The following TTC39B variants were observed in gnomAD, a reference collection of about 807,000 sequenced individuals.
TTC39B encodes the protein tetratricopeptide repeat protein 39B.
Under a neutral mutation model 96.6 loss-of-function variants are expected in TTC39B, and 92 were observed. The observed-to-expected ratio is 0.95, with a 90% CI of 0.80 to 1.13. The LOEUF (loss-of-function observed/expected upper bound fraction) is 1.13. TTC39B is among the 50% of genes most tolerant of loss of function. The pLI is 0.00. For missense variants in TTC39B, 955 were observed against 809.3 expected (o/e 1.18, Z -2.18); for synonymous variants, 367 against 299.4 (o/e 1.23, Z -2.33).
chr9:15,200,303 A>C (rs1189949134), intron 7 of TTC39B, among the ~76,000 whole-genome samples: 1 of 152,200 alleles, frequency 6.6e-6, no homozygotes. Context: ...ATCTGCTCTA[A>C]GGCCAAACCT....
At chr9:15,305,314 C>T (rs891345585) in intron 1 of TTC39B, among the ~76,000 whole-genome samples, 2 of 152,190 alleles carry the variant, frequency 1.3e-5, no homozygotes, top group Admixed American at 1.3e-4. Flanking sequence ...CTCTAAGGCA[C>T]CTACCAAGTT....
exon 20 of TTC39B, chr9:15,170,104 T>C (rs764295213): frequency 1.3e-4 from 13 of 102,762 alleles, no homozygotes; most frequent in Non-Finnish European, 2.2e-4. Context: ...CCACTACTAA[T>C]TATAATGACA....
At chr9:15,303,594 A>G (rs974791534) in intron 1 of TTC39B, among the ~76,000 whole-genome samples, 1 of 152,026 alleles carries the variant, frequency 6.6e-6, no homozygotes. Flanking sequence ...CGCAGGTTGA[A>G]AAGTGATTTT....
chr9:15,188,194 G>A (rs1818646922), intron 13 of TTC39B, 62 bp from the exon 14 acceptor site: 11 of 1,470,810 alleles, frequency 7.5e-6, no homozygotes, highest in South Asian at 2.9e-5. Flanking sequence ...ATAACCTAAT[G>A]GAAAAATACA....
intron 1 of TTC39B, among the ~76,000 whole-genome samples, chr9:15,282,054 A>G (rs1327507942): frequency 6.6e-6 from 1 of 152,262 alleles, no homozygotes; most frequent in East Asian, 1.9e-4. Flanking sequence ...TTTACAGTTA[A>G]AAGAAATTTA....
At chr9:15,223,528 A>C (rs1358033779) in intron 3 of TTC39B, among the ~76,000 whole-genome samples, 2 of 152,200 alleles carry the variant, frequency 1.3e-5, no homozygotes, top group African/African-American at 4.8e-5. Context: ...AGGAGGAGTA[A>C]CATATGAGGT....
In TTC39B at chr9:15,260,277, G is replaced by GT. The variant is rs142111810; in HGVS notation, c.275+7636dup. On this transcript the variant is annotated intron_variant, in intron 2 of 19. Coordinates refer to ENST00000512701, the Ensembl canonical transcript of TTC39B. The stretch of plus-strand genomic sequence containing the variant: ...GGTCTCCTACAAAATTCCTCATTGT[G>GT]TTTTTTTTTTTTTCCTTCCTTAGGA... Among the ~76,000 whole-genome samples, 889 of 139,642 alleles carry GT rather than the reference G, an allele frequency of 6.4e-3. 4 individuals are homozygous for GT. Among genetic ancestry groups the GT allele is most frequent in the African/African-American group, 0.018 (689 of 39,296 alleles). The allele number at this position is 139,642 out of a possible 152,430, so 91.6% of individuals were successfully genotyped here.
At chr9:15,266,439 A>G (rs1224650716) in intron 2 of TTC39B, among the ~76,000 whole-genome samples, 3 of 152,194 alleles carry the variant, frequency 2.0e-5, no homozygotes, top group Non-Finnish European at 2.9e-5. Context: ...ACAAAAGAAA[A>G]TTAGAAGTCA....
At chr9:15,201,116 C>G (rs1030252710) in intron 7 of TTC39B, among the ~76,000 whole-genome samples, 3 of 152,070 alleles carry the variant, frequency 2.0e-5, no homozygotes, top group Admixed American at 6.5e-5. Flanking sequence ...TCATTAATTG[C>G]TTAAATATTT....
At chr9:15,249,744 G>T in intron 2 of TTC39B, 1 of 371,252 alleles carries the variant, frequency 2.7e-6, no homozygotes, top group Non-Finnish European at 4.1e-6. Flanking sequence ...AAGCAGGCTT[G>T]ACATGAAGCT....
chr9:15,190,026 T>A lies in TTC39B; in HGVS notation c.1106-234A>T, dbSNP rs140781052. Among the ~76,000 whole-genome samples the A allele has an allele frequency of 3.5e-3, 527 of 152,348 alleles. 7 individuals are homozygous for A. The highest frequency in any genetic ancestry group is 0.012 in the African/African-American group (499 of 41,588). Reference sequence around the variant, plus strand: ...AAGAATGCAGGTGGCTGTCTCAGATTCCTAATTGGAATTTCTGGTTTTAAC... The same window carrying A: ...AAGAATGCAGGTGGCTGTCTCAGATACCTAATTGGAATTTCTGGTTTTAAC... On this transcript the variant is annotated intron_variant, in intron 11 of 19. Coordinates refer to ENST00000512701, the Ensembl canonical transcript of TTC39B.
At chr9:15,218,635 A>AATATATATATAT (rs1554774372) in intron 3 of TTC39B, among the ~76,000 whole-genome samples, 1 of 149,448 alleles carries the variant, frequency 6.7e-6, no homozygotes, top group Admixed American at 6.6e-5. Flanking sequence ...GTCTATTTTA[A>AATATATATATAT]ATATATATAT....
intron 1 of TTC39B, among the ~76,000 whole-genome samples, chr9:15,300,784 G>A (rs1004884329): frequency 2.0e-5 from 3 of 150,028 alleles, no homozygotes; most frequent in Admixed American, 6.8e-5. Flanking sequence ...TACTCGGAAC[G>A]CTGAGGCAGG....
chr9:15,279,328 C>A (rs1466649558), intron 1 of TTC39B, among the ~76,000 whole-genome samples: 1 of 152,240 alleles, frequency 6.6e-6, no homozygotes, highest in Admixed American at 6.5e-5. Flanking sequence ...AAAGAGAACA[C>A]AGAACCTTAT....
chr9:15,276,691 G>T (rs1008402016), intron 1 of TTC39B, among the ~76,000 whole-genome samples: 1 of 152,126 alleles, frequency 6.6e-6, no homozygotes, highest in African/African-American at 2.4e-5. Context: ...CATAAATTTA[G>T]GCTTGGAGGT....
At chr9:15,292,664 C>A (rs528869197) in intron 1 of TTC39B, among the ~76,000 whole-genome samples, 3 of 152,222 alleles carry the variant, frequency 2.0e-5, no homozygotes, top group African/African-American at 4.8e-5. Context: ...CATTGGTGAT[C>A]CTTACCCTAT....
At chr9:15,260,910 C>T (rs577860623) in intron 2 of TTC39B, among the ~76,000 whole-genome samples, 16 of 152,214 alleles carry the variant, frequency 1.1e-4, no homozygotes, top group Non-Finnish European at 1.9e-4. Context: ...ACTGTATTCA[C>T]ACCACCTCAG....
At chr9:15,174,920 T>C in intron 19 of TTC39B, 99 bp downstream of exon 19, 1 of 757,610 alleles carries the variant, frequency 1.3e-6, no homozygotes, top group South Asian at 1.6e-5. Context: ...TAATTTGACA[T>C]TGTTAATTGT....
At chr9:15,237,085 C>G (rs1262945484) in intron 2 of TTC39B, among the ~76,000 whole-genome samples, 1 of 151,984 alleles carries the variant, frequency 6.6e-6, no homozygotes, top group Non-Finnish European at 1.5e-5. Flanking sequence ...GAGGCCCAGG[C>G]GGATGGATCA....
Sources: gnomAD v4.1 joint callset for allele counts (sites outside exome capture counted in the v4.1 genomes callset) on GRCh38, gnomAD v4.1.1 for gene constraint, MANE v1.5 for transcripts, NCBI Gene and HGNC (gene_info 2026-07-23, HGNC 2026-07-21) for gene names.